CDH12: variants seen among roughly 807,000 people sequenced by gnomAD.
CDH12 encodes cadherin-12.
A neutral mutation model predicts 74.1 loss-of-function variants in CDH12; 41 were observed. The ratio of observed to expected loss-of-function variants is 0.55; its 90% CI spans 0.43 to 0.72. The LOEUF is 0.72. Ranked by LOEUF, CDH12 falls within the 30% of genes least tolerant of loss-of-function variation. The pLI, the probability that CDH12 is intolerant of heterozygous loss-of-function variation, is 0.00. For missense variants in CDH12, 945 were observed against 977.2 expected (o/e 0.97, Z 0.44); for synonymous variants, 399 against 355.0 (o/e 1.12, Z -1.39).
At chr5:22,578,703 T>C (rs1018743179) in intron 1 of CDH12, among the ~76,000 whole-genome samples, 7 of 152,100 alleles carry the variant, frequency 4.6e-5, no homozygotes, top group Non-Finnish European at 1.0e-4. Context: ...TTCTCCTTCC[T>C]CTTTTCCTTC....
At chr5:21,808,963 T>C (rs138063450) in intron 9 of CDH12, among the ~76,000 whole-genome samples, 1,794 of 152,132 alleles carry the variant, frequency 0.012, 39 homozygotes, top group African/African-American at 0.041. Context: ...TGTTAGAAAA[T>C]TAATAATATA....
At chr5:21,777,456 T>C in intron 11 of CDH12, among the ~76,000 whole-genome samples, 1 of 152,076 alleles carries the variant, frequency 6.6e-6, no homozygotes, top group East Asian at 1.9e-4. Flanking sequence ...AATAAAAATA[T>C]TTAGTCTTTT....
chr5:22,357,957 A>G (rs1325751887), intron 3 of CDH12, among the ~76,000 whole-genome samples: 1 of 152,216 alleles, frequency 6.6e-6, no homozygotes, highest in Non-Finnish European at 1.5e-5. Flanking sequence ...TTGGTATTTA[A>G]TGTATATCTC....
intron 8 of CDH12, among the ~76,000 whole-genome samples, chr5:21,841,037 C>A (rs1406132405): frequency 1.3e-5 from 2 of 151,982 alleles, no homozygotes; most frequent in Admixed American, 6.6e-5. Context: ...AGCTTCTGCA[C>A]AGCAAAAGAA....
At chr5:22,754,579 A>G (rs1745786532) in intron 1 of CDH12, among the ~76,000 whole-genome samples, 2 of 152,024 alleles carry the variant, frequency 1.3e-5, no homozygotes, top group Admixed American at 6.6e-5. Flanking sequence ...CAAAAAAAAA[A>G]AAAAAACAAC....
chr5:22,319,780 T>C (rs1257198569), intron 3 of CDH12, among the ~76,000 whole-genome samples: 1 of 151,906 alleles, frequency 6.6e-6, no homozygotes, highest in East Asian at 1.9e-4. Context: ...ATTTCAGGGT[T>C]CCTTTAGAGT....
chr5:22,463,942 G>A (rs2551490), intron 2 of CDH12, among the ~76,000 whole-genome samples: 67,611 of 151,994 alleles, frequency 0.44, 15,579 homozygotes, highest in Admixed American at 0.61. Context: ...TATGTTATAA[G>A]ATTCCATACC....
intron 5 of CDH12, among the ~76,000 whole-genome samples, chr5:21,996,653 CT>C (rs1736319993): frequency 6.6e-6 from 1 of 152,038 alleles, no homozygotes; most frequent in African/African-American, 2.4e-5. Flanking sequence ...TTATAGGGGC[CT>C]TTTAATGTTT....
chr5:22,539,914 T>C (rs1738024486), intron 1 of CDH12, among the ~76,000 whole-genome samples: 1 of 152,208 alleles, frequency 6.6e-6, no homozygotes, highest in African/African-American at 2.4e-5. Context: ...ATTGCTTGCC[T>C]TGTAAAATGT....
At chr5:22,096,102 A>G (rs937167055) in intron 4 of CDH12, among the ~76,000 whole-genome samples, 3 of 150,716 alleles carry the variant, frequency 2.0e-5, no homozygotes, top group African/African-American at 7.3e-5. Flanking sequence ...GCAACCCTTC[A>G]TTCCTCCTTC....
chr5:22,732,036 T>C (rs1245793215), intron 1 of CDH12, among the ~76,000 whole-genome samples: 1 of 151,788 alleles, frequency 6.6e-6, no homozygotes, highest in Non-Finnish European at 1.5e-5. Flanking sequence ...TATGCTGAAG[T>C]CTTCTTCTGT....
intron 4 of CDH12, among the ~76,000 whole-genome samples, chr5:22,102,093 AT>A (rs1323960862): frequency 2.0e-5 from 3 of 152,180 alleles, no homozygotes; most frequent in Non-Finnish European, 2.9e-5. Context: ...GAAAATATAT[AT>A]TTATAAAGTC....
intron 4 of CDH12, among the ~76,000 whole-genome samples, chr5:22,107,483 T>C (rs530188659): frequency 6.6e-6 from 1 of 150,764 alleles, no homozygotes; most frequent in Non-Finnish European, 1.5e-5. Context: ...TACATACGTA[T>C]GTATATATAC....
intron 1 of CDH12, among the ~76,000 whole-genome samples, chr5:22,749,053 C>T (rs1025660697): frequency 6.6e-6 from 1 of 152,198 alleles, no homozygotes; most frequent in Non-Finnish European, 1.5e-5. Context: ...ACACAATGCT[C>T]TCAATGCTTT....
chr5:22,117,458 T>TTATTTA (rs1554012004), intron 4 of CDH12, among the ~76,000 whole-genome samples: 3 of 75,488 alleles, frequency 4.0e-5, no homozygotes, highest in African/African-American at 1.6e-4. Context: ...AATATATATA[T>TTATTTA]TATATATATA....
chr5:22,506,578 T>C lies in CDH12; in HGVS notation c.-522-1214A>G, dbSNP rs1345686576. 3.3e-5 allele frequency among the ~76,000 whole-genome samples: 5 copies of C among 152,026 alleles called. No homozygotes were observed. The East Asian group carries it at 9.7e-4, about 29-fold the overall frequency. On this transcript the variant is annotated intron_variant, in intron 1 of 14. Transcript: ENST00000382254. ...AAAATGCATACTATAAATGTTATAA[T>C]CTTCTTGCCTCAGACCTAGACTCAG... is the stretch of plus-strand genomic sequence containing the variant.
chr5:22,654,635 T>TTTG (rs1554056635), intron 1 of CDH12, among the ~76,000 whole-genome samples: 1 of 150,638 alleles, frequency 6.6e-6, no homozygotes, highest in African/African-American at 2.4e-5. Context: ...TTGTTTTTTT[T>TTTG]TTGTTGTTGT....
At chr5:21,791,831 A>C (rs1746516556) in intron 10 of CDH12, among the ~76,000 whole-genome samples, 1 of 151,844 alleles carries the variant, frequency 6.6e-6, no homozygotes, top group Admixed American at 6.6e-5. Context: ...TCTATTTATT[A>C]GGTAAGCATT....
At chr5:22,785,015 T>C (rs1747554401) in intron 1 of CDH12, among the ~76,000 whole-genome samples, 1 of 152,140 alleles carries the variant, frequency 6.6e-6, no homozygotes, top group Non-Finnish European at 1.5e-5. Flanking sequence ...ATAGTGAAGA[T>C]AGCTTTTAAT....
Sources: allele counts gnomAD v4.1 joint callset (sites outside exome capture counted in the v4.1 genomes callset), GRCh38; gene constraint gnomAD v4.1.1; transcripts MANE v1.5; gene names NCBI Gene and HGNC (gene_info 2026-07-23, HGNC 2026-07-21).